Variants in NRG3 observed in about 807,000 individuals in gnomAD.
NRG3 encodes pro-neuregulin-3, membrane-bound isoform.
In NRG3, 31 loss-of-function variants were observed where a neutral mutation model predicts 66.9. The ratio of observed to expected loss-of-function variants is 0.46; its 90% confidence interval spans 0.35 to 0.63. The LOEUF is 0.63. Ranked by LOEUF, NRG3 falls within the 20% of genes least tolerant of loss-of-function variation. The pLI, the probability that NRG3 is intolerant of heterozygous loss-of-function variation, is 0.00. For synonymous variants in NRG3, 393 were observed against 359.4 expected (o/e 1.09, Z -1.06); for missense variants, 910 against 878.9 (o/e 1.04, Z -0.45).
chr10:82,440,749 T>C (rs2136436907), intron 2 of NRG3, among the ~76,000 whole-genome samples: 1 of 152,304 alleles, frequency 6.6e-6, no homozygotes, highest in East Asian at 1.9e-4. Context: ...TCTGGATTCA[T>C]AAAAATCATC....
At chr10:82,235,920 T>C (rs1040437916) in intron 1 of NRG3, among the ~76,000 whole-genome samples, 14 of 151,952 alleles carry the variant, frequency 9.2e-5, no homozygotes, top group African/African-American at 3.4e-4. Context: ...TAGATCACAG[T>C]AGAACTGGAT....
intron 1 of NRG3, among the ~76,000 whole-genome samples, chr10:81,934,980 A>G (rs1226003376): frequency 6.6e-6 from 1 of 152,228 alleles, no homozygotes; most frequent in Admixed American, 6.5e-5. Flanking sequence ...TCCAAAACAC[A>G]TGTTGCAATG....
intron 2 of NRG3, among the ~76,000 whole-genome samples, chr10:82,453,963 A>C (rs1471791549): frequency 6.6e-6 from 1 of 152,200 alleles, no homozygotes; most frequent in Non-Finnish European, 1.5e-5. Context: ...GATAGTCATA[A>C]AATTGGAACT....
At chr10:81,957,386 A>T (rs921821308) in intron 1 of NRG3, among the ~76,000 whole-genome samples, 1 of 152,002 alleles carries the variant, frequency 6.6e-6, no homozygotes, top group African/African-American at 2.4e-5. Context: ...TCTCCCTTAC[A>T]TCATTCTCTC....
intron 3 of NRG3, among the ~76,000 whole-genome samples, chr10:82,760,077 G>GA (rs2059242418): frequency 1.3e-5 from 2 of 152,170 alleles, no homozygotes; most frequent in South Asian, 4.1e-4. Context: ...GATACTTGCA[G>GA]AAAAAAGAAA....
chr10:81,878,798 G>C (rs1841918626), intron 1 of NRG3, among the ~76,000 whole-genome samples: 1 of 152,102 alleles, frequency 6.6e-6, no homozygotes, highest in Non-Finnish European at 1.5e-5. Context: ...TTAATGGCCA[G>C]GATCTTTGCT....
At chr10:82,099,877 G>T (rs866995560) in intron 1 of NRG3, among the ~76,000 whole-genome samples, 8 of 151,922 alleles carry the variant, frequency 5.3e-5, no homozygotes, top group Admixed American at 3.9e-4. Context: ...CTAGATGCTT[G>T]GAAGTTTGAT....
intron 1 of NRG3, among the ~76,000 whole-genome samples, chr10:82,163,398 G>T (rs541702525): frequency 6.6e-6 from 1 of 152,126 alleles, no homozygotes; most frequent in African/African-American, 2.4e-5. Context: ...TATAAAATTT[G>T]GATAATGGTG....
intron 2 of NRG3, among the ~76,000 whole-genome samples, chr10:82,654,164 A>T (rs574717705): frequency 1.3e-4 from 20 of 152,114 alleles, no homozygotes; most frequent in African/African-American, 4.8e-4. Context: ...GCTGGACATG[A>T]CCCCTTTCCC....
At chr10:82,272,610 G>A (rs908545371) in intron 1 of NRG3, among the ~76,000 whole-genome samples, 2 of 151,904 alleles carry the variant, frequency 1.3e-5, no homozygotes, top group East Asian at 3.9e-4. Flanking sequence ...AAAAGCACAG[G>A]GTTTACGCCT....
At chr10:82,329,219 T>A (rs2082019714) in intron 1 of NRG3, among the ~76,000 whole-genome samples, 1 of 152,214 alleles carries the variant, frequency 6.6e-6, no homozygotes, top group African/African-American at 2.4e-5. Flanking sequence ...TGAGGAGCTG[T>A]CAAACTTTTT....
intron 4 of NRG3, among the ~76,000 whole-genome samples, chr10:82,919,744 G>A (rs971754236): frequency 2.6e-5 from 4 of 152,104 alleles, no homozygotes; most frequent in Non-Finnish European, 5.9e-5. Flanking sequence ...TTTACACAAA[G>A]TGAAGAATAC....
chr10:82,408,072 AG>A (rs1422635484), intron 2 of NRG3, among the ~76,000 whole-genome samples: 1 of 135,768 alleles, frequency 7.4e-6, no homozygotes, highest in East Asian at 2.2e-4. Context: ...AGAGAGAGAG[AG>A]AGAGAGAGAG....
At chr10:82,027,472 A>G (rs2062366039) in intron 1 of NRG3, among the ~76,000 whole-genome samples, 2 of 152,118 alleles carry the variant, frequency 1.3e-5, no homozygotes, top group African/African-American at 4.8e-5. Flanking sequence ...TTTAAGGCTT[A>G]TTAACTGAAC....
At chr10:82,103,070 C>T (rs1389004155) in intron 1 of NRG3, among the ~76,000 whole-genome samples, 3 of 152,144 alleles carry the variant, frequency 2.0e-5, no homozygotes, top group Non-Finnish European at 4.4e-5. Context: ...CTGAGAATAT[C>T]TTTATTTTAT....
At chr10:82,518,990 A>G (rs1378664414) in intron 2 of NRG3, among the ~76,000 whole-genome samples, 1 of 152,174 alleles carries the variant, frequency 6.6e-6, no homozygotes, top group Admixed American at 6.5e-5. Context: ...ATGTAATCCT[A>G]TTGCATTTCC....
intron 4 of NRG3, among the ~76,000 whole-genome samples, chr10:82,912,947 C>T (rs111525280): frequency 0.065 from 9,948 of 152,180 alleles, 391 homozygotes; most frequent in African/African-American, 0.084. Context: ...TACTTCCGGC[C>T]GGGTGCGGTG....
chr10:82,307,051 C>G (rs1360575526), intron 1 of NRG3, among the ~76,000 whole-genome samples: 1 of 151,872 alleles, frequency 6.6e-6, no homozygotes, highest in Non-Finnish European at 1.5e-5. Context: ...TATTTTATCA[C>G]TTTTTTTGAA....
intron 1 of NRG3, among the ~76,000 whole-genome samples, chr10:82,343,228 A>G (rs2082776601): frequency 6.6e-6 from 1 of 152,144 alleles, no homozygotes; most frequent in Admixed American, 6.6e-5. Flanking sequence ...CAAAATCAAC[A>G]AGGAAAAATC....
Sources: allele counts gnomAD v4.1 joint callset (sites outside exome capture counted in the v4.1 genomes callset), GRCh38; gene constraint gnomAD v4.1.1; transcripts MANE v1.5; gene names NCBI Gene and HGNC (gene_info 2026-07-23, HGNC 2026-07-21).